GFPT2: variants seen among roughly 807,000 people sequenced by gnomAD.
GFPT2 encodes glutamine--fructose-6-phosphate aminotransferase [isomerizing] 2.
Under a neutral mutation model 85.6 loss-of-function variants are expected in GFPT2, and 62 were observed. The ratio of observed to expected loss-of-function variants is 0.72; its 90% CI spans 0.59 to 0.90. The LOEUF is 0.90. Ranked by LOEUF, GFPT2 falls within the 40% of genes least tolerant of loss-of-function variation. The probability of loss-of-function intolerance (pLI) is 0.00; values close to 1 mark genes in which losing one functional copy is unlikely to be tolerated. For missense variants in GFPT2, 788 were observed against 893.4 expected (o/e 0.88, Z 1.50); for synonymous variants, 368 against 344.5 (o/e 1.07, Z -0.75).
chr5:180,303,065 T>TA (rs67380222), intron 17 of GFPT2, among the ~76,000 whole-genome samples: 1 of 132,744 alleles, frequency 7.5e-6, no homozygotes, highest in Non-Finnish European at 1.7e-5. Context: ...CTGTCTCTAC[T>TA]AAAAAATACA....
At chr5:180,302,867 C>G (rs1288533804) in intron 17 of GFPT2, among the ~76,000 whole-genome samples, 1 of 152,156 alleles carries the variant, frequency 6.6e-6, no homozygotes, top group Admixed American at 6.5e-5. Flanking sequence ...CAGACTCACT[C>G]CTAACTCTAG....
At chr5:180,349,879 T>C (rs1414973865) in intron 1 of GFPT2, among the ~76,000 whole-genome samples, 2 of 100,820 alleles carry the variant, frequency 2.0e-5, no homozygotes, top group Non-Finnish European at 4.8e-5. Context: ...ACAGTGATTG[T>C]TTTTTTTTTT....
chr5:180,338,427 G>A, intron 2 of GFPT2, 66 bp downstream of exon 2: 1 of 776,224 alleles, frequency 1.3e-6, no homozygotes, highest in East Asian at 2.7e-5. Context: ...CCCTGCAGTG[G>A]AGATGGGTGA....
At chr5:180,338,751 A>C (rs1764451947) in intron 1 of GFPT2, 151 bp from the exon 2 acceptor site, 1 of 584,812 alleles carries the variant, frequency 1.7e-6, no homozygotes, top group South Asian at 2.1e-5. Context: ...CAGCTGAAGA[A>C]CGGTGCACCC....
At chr5:180,312,921 C>G (rs1038047363) in intron 14 of GFPT2, among the ~76,000 whole-genome samples, 2 of 152,050 alleles carry the variant, frequency 1.3e-5, no homozygotes, top group Non-Finnish European at 2.9e-5. Flanking sequence ...GGATTACAGG[C>G]ACCCGCCACC....
intron 15 of GFPT2, among the ~76,000 whole-genome samples, chr5:180,310,385 G>A (rs1006869291): frequency 6.6e-6 from 1 of 151,550 alleles, no homozygotes; most frequent in African/African-American, 2.4e-5. Flanking sequence ...TTACAGGCGT[G>A]AGCCACTGCG....
At chr5:180,317,525 C>T (rs139612793) in intron 10 of GFPT2, among the ~76,000 whole-genome samples, 11,748 of 145,194 alleles carry the variant, frequency 0.081, 681 homozygotes, top group Middle Eastern at 0.14. Context: ...TTTGGGAGGC[C>T]GAGGCGGGCG....
At position 180,301,594 on chromosome 5, in the gene GFPT2, T is replaced by A. The variant is rs1356222155; in HGVS notation, c.2019A>T (p.Arg673Ser). ...VLRGYDVDFP[R>S]NLAKSVTVE ...CCACAGTTACAGACTTGGCCAGATT[T>A]CTGGGGAAGTCAACCTAAAATGAAA... The change falls in exon 19 of 19, where the codon AGA becomes AGT. Residue 673 changes from arginine (R) to serine (S), a missense_variant. Coordinates refer to ENST00000253778, the MANE Select transcript of GFPT2 (RefSeq NM_005110.4). 6.2e-7 allele frequency: 1 copy of A among 1,613,576 alleles called. No individual in the cohort carries two copies. Among genetic ancestry groups the A allele is most frequent in the Non-Finnish European group, 8.5e-7 (1 of 1,179,584 alleles).
chr5:180,352,945 A>G, intron 1 of GFPT2: 3 of 409,668 alleles, frequency 7.3e-6, no homozygotes, highest in Non-Finnish European at 1.3e-5. Flanking sequence ...CTCCGTGGGG[A>G]CCGGGCCTCG....
chr5:180,326,024 C>CTAAA (rs60825853), intron 7 of GFPT2, among the ~76,000 whole-genome samples: 45,304 of 150,630 alleles, frequency 0.3, 7,893 homozygotes, highest in East Asian at 0.55. Context: ...GACTCCATCT[C>CTAAA]TAAATAAATA....
chr5:180,315,181 C>CTTTTCTT (rs1554133428), intron 13 of GFPT2, among the ~76,000 whole-genome samples: 2 of 144,142 alleles, frequency 1.4e-5, no homozygotes, highest in East Asian at 2.0e-4. Context: ...TTTTCTTTTT[C>CTTTTCTT]TTTTTTTTTT....
At position 180,353,102 on chromosome 5, in the gene GFPT2, C is replaced by G. The variant is rs1345961198; in HGVS notation, c.7+109G>C. ...GTAGGGGCCCGGGGCAGATCGGCGCCCCCAGCCAGGTCCTCGGCGCCTGCT... is the reference window on the plus strand; with the variant it reads ...GTAGGGGCCCGGGGCAGATCGGCGCGCCCAGCCAGGTCCTCGGCGCCTGCT... On this transcript the variant is annotated intron_variant, in intron 1 of 18. Transcript: ENST00000253778. 6 of 952,416 alleles carry G rather than the reference C, an allele frequency of 6.3e-6. No homozygotes were observed. The East Asian group carries it at 2.0e-4, about 32-fold the overall frequency. The allele number at this position is 952,416 out of a possible 1,614,324, so 59.0% of individuals were successfully genotyped here.
Position 180,336,539 on chromosome 5 carries a change from T to C in GFPT2, c.154A>G (p.Arg52Gly). The C allele has an allele frequency of 5.0e-6, 8 of 1,612,038 alleles. No homozygotes were observed. Among genetic ancestry groups the C allele is most frequent in the Non-Finnish European group, 6.8e-6 (8 of 1,178,050 alleles). The change falls in exon 3 of 19, where the codon AGA becomes GGA. Residue 52 changes from arginine to glycine, a missense_variant. Physicochemically the swap from Arg to Gly is moderately radical, Grantham distance 125 (BLOSUM62 -2). Coordinates refer to ENST00000253778, the MANE Select transcript of GFPT2 (RefSeq NM_005110.4). ...CTTTTCTTGACCAGCTGAATGTGTC[T>C]TTCTTTGACTTCGTGATTATTCCCA... ...IDGNNHEVKERHIQLVKKRGK... is the reference protein window; with the variant it reads ...IDGNNHEVKEGHIQLVKKRGK...
At chr5:180,338,732 C>T (rs1355028295) in intron 1 of GFPT2, 132 bp from the exon 2 acceptor site, 5 of 593,796 alleles carry the variant, frequency 8.4e-6, no homozygotes, top group Admixed American at 3.0e-5. Flanking sequence ...GTATGCCCCT[C>T]CCTGAGCACA....
chr5:180,310,292 G>C (rs1763854540), intron 15 of GFPT2, among the ~76,000 whole-genome samples: 1 of 151,768 alleles, frequency 6.6e-6, no homozygotes, highest in South Asian at 2.1e-4. Flanking sequence ...TAGTAGAGAT[G>C]GGGTTTCACC....
intron 17 of GFPT2, among the ~76,000 whole-genome samples, chr5:180,302,987 TG>T (rs1561870125): frequency 1.3e-5 from 2 of 151,850 alleles, no homozygotes; most frequent in Admixed American, 6.6e-5. Context: ...CCCAACACTT[TG>T]GGAGGCTGAG....
In GFPT2 at chr5:180,330,446, G is replaced by A. The variant is rs1764281715; in HGVS notation, c.534+254C>T. Reference sequence around the variant, plus strand: ...TAATGCCAGTCACAATTTCAGAAGTGTCACGATGAAGCAGGGCACTTTCTA... The same window carrying A: ...TAATGCCAGTCACAATTTCAGAAGTATCACGATGAAGCAGGGCACTTTCTA... On this transcript the variant is annotated intron_variant, in intron 6 of 18. Transcript: ENST00000253778. This position sits in a 1 kb window ranked among gnomAD's most constrained non-coding sequence, Gnocchi z 4.4. 6.6e-6 allele frequency among the ~76,000 whole-genome samples: 1 copy of A among 152,182 alleles called. No homozygotes were observed. Among genetic ancestry groups the A allele is most frequent in the East Asian group, 1.9e-4 (1 of 5,194 alleles).
chr5:180,324,192 C>T lies in GFPT2; in HGVS notation c.790G>A (p.Ala264Thr). The change falls in exon 9 of 19, where the codon GCA becomes ACA. Residue 264 changes from alanine to threonine, a missense_variant. Transcript: ENST00000253778. ...KAVEFFFASD[A>T]SAIIEHTNRV... ...AAGAGAAGAAGGCTCAGTTACCTTG[C>T]ATCAGAAGCAAAGAAGAATTCCACG... 3.8e-6 allele frequency: 6 copies of T among 1,568,524 alleles called. No individual in the cohort carries two copies. The highest frequency in any genetic ancestry group is 5.3e-6 in the Non-Finnish European group (6 of 1,139,530).
At chr5:180,352,523 T>A (rs1561886981) in intron 1 of GFPT2, 1 of 445,134 alleles carries the variant, frequency 2.2e-6, no homozygotes, top group African/African-American at 2.1e-5. Context: ...GCCGCGGGAA[T>A]CGGACGCCCG....
Sources: allele counts gnomAD v4.1 joint callset (sites outside exome capture counted in the v4.1 genomes callset), GRCh38; gene constraint gnomAD v4.1.1; non-coding constraint Gnocchi (gnomAD v3.1); transcripts MANE v1.5; gene names NCBI Gene and HGNC (gene_info 2026-07-23, HGNC 2026-07-21).